Variants in WDPCP observed in about 807,000 individuals in gnomAD.
The protein encoded by WDPCP is WD repeat-containing and planar cell polarity effector protein fritz homolog.
Under a neutral mutation model 93.1 loss-of-function variants are expected in WDPCP, and 71 were observed. The observed-to-expected ratio is 0.76, with a 90% CI of 0.63 to 0.93. The LOEUF (loss-of-function observed/expected upper bound fraction) is 0.93, where lower values mean the gene tolerates loss of function less well. Among genes scored for constraint, WDPCP ranks in the 40% least tolerant of loss-of-function variants. WDPCP has a pLI of 0.00. For missense variants in WDPCP, 844 were observed against 887.4 expected, an observed-to-expected ratio of 0.95 and a Z score of 0.62; for synonymous variants, 315 against 315.0, an observed-to-expected ratio of 1.00 and a Z score of 0.00.
At chr2:63,456,977 G>A (rs1312334735) in intron 6 of WDPCP, among the ~76,000 whole-genome samples, 4 of 151,840 alleles carry the variant, frequency 2.6e-5, no homozygotes, top group Admixed American at 6.6e-5. Context: ...GCAGTGAGCC[G>A]AGGTTGCTCC....
Position 63,575,378 on chromosome 2 carries a change from A to AC in WDPCP, c.75+12818_75+12819insG, listed in dbSNP as rs71398616. ...TATATACAGTATATACAGTATATAC[A>AC]GTATATACACGGTATATACAGTATA... On this transcript the variant is annotated intron_variant, in intron 1 of 17. Coordinates refer to ENST00000272321, the MANE Select transcript of WDPCP (RefSeq NM_015910.7). Among the ~76,000 whole-genome samples the AC allele has an allele frequency of 1.1e-3, 144 of 126,644 alleles. 2 individuals carry two copies. The highest frequency in any genetic ancestry group is 1.6e-3 in the Non-Finnish European group (91 of 58,210). 83.1% of individuals were successfully genotyped at this position (126,644 alleles called of 152,430 possible). A position where few individuals can be genotyped will look rare whatever the true frequency, so the allele number is the denominator to read the frequency against.
chr2:63,661,052 G>T (rs1462532141), intron 2 of WDPCP, among the ~76,000 whole-genome samples: 1 of 152,080 alleles, frequency 6.6e-6, no homozygotes, highest in Non-Finnish European at 1.5e-5. Flanking sequence ...TAGTTCATTT[G>T]TGTGAATGTA....
intron 1 of WDPCP, among the ~76,000 whole-genome samples, chr2:63,522,644 C>A (rs1422445097): frequency 6.6e-6 from 1 of 152,088 alleles, no homozygotes; most frequent in Non-Finnish European, 1.5e-5. Context: ...CCACTTGCCC[C>A]ACAGAAATAC....
intron 3 of WDPCP, chr2:63,622,976 G>A (rs1011760060): frequency 1.0e-5 from 7 of 670,480 alleles, no homozygotes; most frequent in Admixed American, 5.6e-5. Flanking sequence ...CGCCCAAGCA[G>A]CTGCTGCCGC....
intron 13 of WDPCP, among the ~76,000 whole-genome samples, chr2:63,289,212 A>T (rs1684230261): frequency 6.6e-6 from 1 of 151,978 alleles, no homozygotes; most frequent in Non-Finnish European, 1.5e-5. Context: ...TCCATTATGG[A>T]TTCTTGTCTT....
chr2:63,280,266 G>T (rs1477341745), intron 13 of WDPCP, among the ~76,000 whole-genome samples: 3 of 152,170 alleles, frequency 2.0e-5, no homozygotes, highest in African/African-American at 7.2e-5. Context: ...CATGACAGGA[G>T]GTGAAAGGCA....
At chr2:63,663,982 G>C (rs1710255681) in intron 2 of WDPCP, among the ~76,000 whole-genome samples, 1 of 152,054 alleles carries the variant, frequency 6.6e-6, no homozygotes. Flanking sequence ...AAGGGCATTT[G>C]AGCATCTAGC....
At chr2:63,239,018 T>C (rs1295917069) in intron 14 of WDPCP, among the ~76,000 whole-genome samples, 2 of 152,288 alleles carry the variant, frequency 1.3e-5, no homozygotes, top group Admixed American at 1.3e-4. Flanking sequence ...ATGCACATAA[T>C]TGGCACTCAT....
intron 17 of WDPCP, among the ~76,000 whole-genome samples, chr2:63,124,146 G>A (rs1669737172): frequency 6.7e-6 from 1 of 149,200 alleles, no homozygotes; most frequent in Non-Finnish European, 1.5e-5. Context: ...TAGAACTGTA[G>A]AAATAGAATT....
chr2:63,329,200 C>G (rs1056990257), intron 12 of WDPCP, among the ~76,000 whole-genome samples: 25 of 152,152 alleles, frequency 1.6e-4, no homozygotes, highest in African/African-American at 5.8e-4. Context: ...GTTGTTCCCC[C>G]TCCCACTGGC....
chr2:63,289,332 C>G (rs1488449403), intron 13 of WDPCP, among the ~76,000 whole-genome samples: 1 of 151,852 alleles, frequency 6.6e-6, no homozygotes, highest in Non-Finnish European at 1.5e-5. Context: ...GTCATGGTGC[C>G]TTATTTTATG....
intron 9 of WDPCP, among the ~76,000 whole-genome samples, chr2:63,424,724 G>A (rs1445392293): frequency 2.0e-5 from 3 of 152,228 alleles, no homozygotes; most frequent in African/African-American, 7.2e-5. Flanking sequence ...TGAAACATGG[G>A]TATTCGTGGG....
intron 14 of WDPCP, among the ~76,000 whole-genome samples, chr2:63,251,208 G>A (rs879858216): frequency 5.3e-5 from 8 of 152,060 alleles, no homozygotes; most frequent in Admixed American, 3.9e-4. Context: ...GGATAAACAG[G>A]TATGATAGAC....
intron 2 of WDPCP, among the ~76,000 whole-genome samples, chr2:63,655,061 C>G (rs189257101): frequency 6.6e-6 from 1 of 152,178 alleles, no homozygotes; most frequent in Non-Finnish European, 1.5e-5. Flanking sequence ...TTCACCATCT[C>G]AGCTCAGAAA....
chr2:63,253,728 C>G (rs1024185319), intron 14 of WDPCP, among the ~76,000 whole-genome samples: 2 of 151,994 alleles, frequency 1.3e-5, no homozygotes, highest in Admixed American at 1.3e-4. Flanking sequence ...GTTAAAAAGT[C>G]AGAAAATAAC....
chr2:63,419,907 AT>A (rs931125604), intron 9 of WDPCP, among the ~76,000 whole-genome samples: 14 of 152,102 alleles, frequency 9.2e-5, no homozygotes, highest in Non-Finnish European at 1.9e-4. Flanking sequence ...TGTTTCGATT[AT>A]TTTTTGCTAT....
In WDPCP at chr2:63,120,826, G is replaced by C. The variant is rs1313033189; in HGVS notation, c.*1180C>G. On this transcript the variant is annotated 3_prime_UTR_variant, in exon 18 of 18. Coordinates refer to ENST00000272321, the MANE Select transcript of WDPCP (RefSeq NM_015910.7). ...TGGGATTACAGGCGTGAGCCACCGT[G>C]CCTGGCCTATAGATGTCTATAATTG... is the stretch of plus-strand genomic sequence containing the variant. 6.6e-6 allele frequency among the ~76,000 whole-genome samples: 1 copy of C among 151,964 alleles called. No homozygotes were observed. The highest frequency in any genetic ancestry group is 6.6e-5 in the Admixed American group (1 of 15,254).
At chr2:63,765,596 T>C (rs1670126045) in intron 2 of WDPCP, among the ~76,000 whole-genome samples, 1 of 152,212 alleles carries the variant, frequency 6.6e-6, no homozygotes, top group Non-Finnish European at 1.5e-5. Context: ...GCCTTTTGTG[T>C]GGCCAGGTCA....
At chr2:63,254,125 CAG>C (rs1271455997) in intron 14 of WDPCP, among the ~76,000 whole-genome samples, 1 of 152,088 alleles carries the variant, frequency 6.6e-6, no homozygotes, top group East Asian at 1.9e-4. Flanking sequence ...TGAATTAACT[CAG>C]TAATAGAAAA....
Sources: allele counts gnomAD v4.1 joint callset (sites outside exome capture counted in the v4.1 genomes callset), GRCh38; gene constraint gnomAD v4.1.1; transcripts MANE v1.5; gene names NCBI Gene and HGNC (gene_info 2026-07-23, HGNC 2026-07-21).